Variants in DNM3 observed in about 807,000 individuals in gnomAD.
The protein encoded by DNM3 is dynamin-3.
Under a neutral mutation model 101.6 loss-of-function variants are expected in DNM3, and 47 were observed. That is an observed-to-expected ratio of 0.46 (90% CI 0.37 to 0.59). The LOEUF is 0.59. Ranked by LOEUF, DNM3 falls within the 20% of genes least tolerant of loss-of-function variation. The probability of loss-of-function intolerance (pLI) is 0.00; values close to 1 mark genes in which losing one functional copy is unlikely to be tolerated. For synonymous variants in DNM3, 385 were observed against 387.9 expected, an observed-to-expected ratio of 0.99 and a Z score of 0.09; for missense variants, 849 against 1,085.7, an observed-to-expected ratio of 0.78 and a Z score of 3.06.
intron 4 of DNM3, among the ~76,000 whole-genome samples, chr1:171,994,591 C>T (rs2045866829): frequency 6.6e-6 from 1 of 152,080 alleles, no homozygotes; most frequent in African/African-American, 2.4e-5. Flanking sequence ...TTGCACAAAA[C>T]CCCAAACATG....
chr1:172,153,260 T>G (rs1464089891), intron 14 of DNM3, among the ~76,000 whole-genome samples: 1 of 152,138 alleles, frequency 6.6e-6, no homozygotes, highest in Non-Finnish European at 1.5e-5. Context: ...TTGAAAACAT[T>G]CTGCAACAAG....
chr1:172,403,384 T>C (rs1326315555), intron 20 of DNM3, among the ~76,000 whole-genome samples: 2 of 152,124 alleles, frequency 1.3e-5, no homozygotes, highest in African/African-American at 2.4e-5. Flanking sequence ...TTTGCCCTTA[T>C]TGAGGTCTCC....
At chr1:171,883,408 CACACACCCT>C (rs1351303548) in intron 1 of DNM3, among the ~76,000 whole-genome samples, 4,206 of 106,372 alleles carry the variant, frequency 0.04, 119 homozygotes, top group Middle Eastern at 0.059. Flanking sequence ...CACACACACA[CACACACCCT>C]GTCAGAATGA....
intron 14 of DNM3, among the ~76,000 whole-genome samples, chr1:172,183,844 G>C (rs185808516): frequency 9.3e-5 from 12 of 129,662 alleles, no homozygotes; most frequent in Admixed American, 9.5e-5. Flanking sequence ...CTGGGCTCAA[G>C]TGTTCCTTCT....
At chr1:172,108,006 C>G (rs964286960) in intron 13 of DNM3, among the ~76,000 whole-genome samples, 1 of 151,298 alleles carries the variant, frequency 6.6e-6, no homozygotes, top group Non-Finnish European at 1.5e-5. Flanking sequence ...AGGAGGTACC[C>G]GGTGGTTAAC....
At chr1:172,065,915 A>C (rs1311777262) in intron 10 of DNM3, among the ~76,000 whole-genome samples, 1 of 152,216 alleles carries the variant, frequency 6.6e-6, no homozygotes, top group East Asian at 1.9e-4. Flanking sequence ...GACTTGCAGC[A>C]ATGGAAGATT....
In DNM3 at chr1:172,323,472, G is replaced by A. The variant is rs1005011951; in HGVS notation, c.1893+132G>A. On this transcript the variant is annotated intron_variant, in intron 17 of 20. Coordinates refer to ENST00000627582, the MANE Select transcript of DNM3 (RefSeq NM_015569.5). ...TTACAGTGCACGAATTATATGGGGT[G>A]TGCAAATTTGGGGGAAAATGTGCAT... is the stretch of plus-strand genomic sequence containing the variant. 9.1e-6 allele frequency: 10 copies of A among 1,101,392 alleles called. No homozygotes were observed. The African/African-American group carries it at 1.1e-4, about 12-fold the overall frequency. 68.2% of individuals were successfully genotyped at this position (1,101,392 alleles called of 1,614,324 possible).
At chr1:172,276,453 G>A (rs117183440) in intron 15 of DNM3, among the ~76,000 whole-genome samples, 5,373 of 151,836 alleles carry the variant, frequency 0.035, 140 homozygotes, top group Middle Eastern at 0.095. Context: ...TTAAGGATTA[G>A]ATTTTAAATT....
At chr1:172,230,631 T>C (rs1206954791) in intron 14 of DNM3, among the ~76,000 whole-genome samples, 1 of 152,212 alleles carries the variant, frequency 6.6e-6, no homozygotes, top group African/African-American at 2.4e-5. Flanking sequence ...CGTTTCTTTT[T>C]TTATTACAGC....
intron 20 of DNM3, among the ~76,000 whole-genome samples, chr1:172,406,163 A>G (rs2070867443): frequency 6.6e-6 from 1 of 151,944 alleles, no homozygotes; most frequent in African/African-American, 2.4e-5. Flanking sequence ...AGATTTGTTG[A>G]GATGCTATAC....
At chr1:172,152,791 G>T (rs1432221410) in intron 14 of DNM3, among the ~76,000 whole-genome samples, 1 of 152,064 alleles carries the variant, frequency 6.6e-6, no homozygotes, top group Non-Finnish European at 1.5e-5. Flanking sequence ...TTGTGTATGT[G>T]CATGCGGACA....
chr1:172,415,557 T>G, downstream of DNM3, among the ~76,000 whole-genome samples: 1 of 114,664 alleles, frequency 8.7e-6, no homozygotes, highest in Non-Finnish European at 1.7e-5. Flanking sequence ...TGAGACAGAG[T>G]CTCACTCTGT....
intron 15 of DNM3, among the ~76,000 whole-genome samples, chr1:172,288,839 G>A (rs542314676): frequency 1.3e-5 from 2 of 152,178 alleles, no homozygotes; most frequent in Non-Finnish European, 2.9e-5. Flanking sequence ...GTAGCTCAGA[G>A]ATGTCTGGCA....
chr1:171,983,858 A>G (rs1487550844), intron 2 of DNM3, among the ~76,000 whole-genome samples: 1 of 152,156 alleles, frequency 6.6e-6, no homozygotes. Context: ...TGTGGTCCTC[A>G]ACCTTAGTAG....
intron 4 of DNM3, among the ~76,000 whole-genome samples, chr1:172,002,154 A>T (rs567347692): frequency 2.7e-4 from 41 of 152,172 alleles, no homozygotes; most frequent in African/African-American, 9.4e-4. Flanking sequence ...TTATTTGACC[A>T]ATTTAACAAA....
At chr1:172,317,700 ATC>A (rs2065458314) in intron 16 of DNM3, among the ~76,000 whole-genome samples, 1 of 152,218 alleles carries the variant, frequency 6.6e-6, no homozygotes, top group South Asian at 2.1e-4. Flanking sequence ...AAGAAGTTGA[ATC>A]TCTGAATAGA....
chr1:171,982,287 C>T (rs939416206), intron 2 of DNM3, among the ~76,000 whole-genome samples: 1 of 152,154 alleles, frequency 6.6e-6, no homozygotes, highest in African/African-American at 2.4e-5. Flanking sequence ...TAGTACAACT[C>T]GTTCTATAGA....
chr1:172,289,592 T>C, intron 15 of DNM3: 3 of 958,674 alleles, frequency 3.1e-6, no homozygotes, highest in Non-Finnish European at 3.7e-6. Context: ...TTATAAAATA[T>C]TATATTCTTC....
intron 17 of DNM3, among the ~76,000 whole-genome samples, chr1:172,354,106 T>TGAGAGAGAGAGAGAGAGAGA (rs1261996806): frequency 1.1e-4 from 3 of 26,436 alleles, no homozygotes; most frequent in African/African-American, 3.0e-4. Flanking sequence ...TGTGTGTGTG[T>TGAGAGAGAGAGAGAGAGAGA]GTGTGTGAGA....
Sources: gnomAD v4.1 joint callset for allele counts (sites outside exome capture counted in the v4.1 genomes callset) on GRCh38, gnomAD v4.1.1 for gene constraint, MANE v1.5 for transcripts, NCBI Gene and HGNC (gene_info 2026-07-23, HGNC 2026-07-21) for gene names.